The following WDR93 variants were observed in gnomAD, a reference collection of about 807,000 sequenced individuals.
WDR93 encodes WD repeat domain 93.
In WDR93, 73 loss-of-function variants were observed where a neutral mutation model predicts 82.9. The observed-to-expected ratio is 0.88, with a 90% confidence interval of 0.73 to 1.07. The LOEUF is 1.07. Among genes scored for constraint, WDR93 ranks in the 50% least tolerant of loss-of-function variants. WDR93 has a pLI of 0.00. For synonymous variants in WDR93, 283 were observed against 300.1 expected (o/e 0.94, Z 0.59); for missense variants, 738 against 826.0 (o/e 0.89, Z 1.31).
chr15:89,699,294 A>G (rs1458372380), intron 1 of WDR93, among the ~76,000 whole-genome samples: 1 of 152,180 alleles, frequency 6.6e-6, no homozygotes, highest in Non-Finnish European at 1.5e-5. Flanking sequence ...TGGATATAGA[A>G]TACCAGAGTG....
intron 1 of WDR93, among the ~76,000 whole-genome samples, chr15:89,701,022 A>G (rs988234140): frequency 6.6e-6 from 1 of 152,102 alleles, no homozygotes; most frequent in Non-Finnish European, 1.5e-5. Context: ...GAGCTAATAA[A>G]TTGTAAATAT....
At chr15:89,737,130 C>T (rs1967264528) in intron 14 of WDR93, among the ~76,000 whole-genome samples, 3 of 152,114 alleles carry the variant, frequency 2.0e-5, no homozygotes. Flanking sequence ...TTAGTATGTT[C>T]ACTGCAGAGG....
At chr15:89,694,289 C>A in intron 1 of WDR93, among the ~76,000 whole-genome samples, 1 of 134,480 alleles carries the variant, frequency 7.4e-6, no homozygotes, top group South Asian at 2.3e-4. Context: ...CTCGCTCTGT[C>A]GCCCAGGCTG....
chr15:89,709,915 C>T (rs1217784721), intron 4 of WDR93, among the ~76,000 whole-genome samples: 3 of 151,652 alleles, frequency 2.0e-5, no homozygotes, highest in Non-Finnish European at 4.4e-5. Flanking sequence ...AATCCCAGTA[C>T]TGTGGGAGGC....
intron 5 of WDR93, among the ~76,000 whole-genome samples, chr15:89,714,721 G>T (rs1966163008): frequency 6.6e-6 from 1 of 152,228 alleles, no homozygotes; most frequent in Admixed American, 6.5e-5. Context: ...CATGAGTGCT[G>T]TTAGTGTGAG....
At chr15:89,729,188 C>T (rs570201776) in intron 10 of WDR93, 95 bp downstream of exon 10, 44 of 1,182,810 alleles carry the variant, frequency 3.7e-5, no homozygotes, top group Admixed American at 6.8e-5. Context: ...CAACAAACCT[C>T]GCATGGTAGG....
At chr15:89,725,934 G>A (rs1172809435) in intron 8 of WDR93, among the ~76,000 whole-genome samples, 1 of 151,976 alleles carries the variant, frequency 6.6e-6, no homozygotes, top group Non-Finnish European at 1.5e-5. Context: ...GGTATATTAA[G>A]GTATATATTT....
chr15:89,738,154 A>T lies in WDR93; in HGVS notation c.1879A>T (p.Ile627Phe), dbSNP rs894799546. Residue 627 changes from isoleucine (I) to phenylalanine (F), a missense_variant, in exon 16 of 17, where the codon ATT becomes TTT. Physicochemically the swap from Ile to Phe is conservative, Grantham distance 21 (BLOSUM62 0). Transcript: ENST00000268130. ...LLENISKNCT[I>F]PQRDLDNMAF... ...GGAAAATATCTCAAAAAATTGTACC[A>T]TTCCTCAAAGGGACTTGGATAACAT... is the stretch of plus-strand genomic sequence containing the variant. The T allele has an allele frequency of 1.2e-6, 2 of 1,614,054 alleles. No homozygotes were observed. Among genetic ancestry groups the T allele is most frequent in the Non-Finnish European group, 1.7e-6 (2 of 1,180,034 alleles).
intron 8 of WDR93, among the ~76,000 whole-genome samples, chr15:89,724,199 A>G (rs1409457150): frequency 2.6e-5 from 4 of 151,946 alleles, no homozygotes; most frequent in African/African-American, 9.7e-5. Flanking sequence ...AAAATTAGCT[A>G]GGCATGGTGG....
intron 9 of WDR93, among the ~76,000 whole-genome samples, chr15:89,727,958 G>T (rs6496594): frequency 0.43 from 64,732 of 151,568 alleles, 14,343 homozygotes; most frequent in African/African-American, 0.49. Flanking sequence ...GCGGGCACCT[G>T]TAATTCCAGC....
chr15:89,690,472 T>C, upstream of WDR93: 1 of 781,836 alleles, frequency 1.3e-6, no homozygotes. Flanking sequence ...TCCTTCCTGC[T>C]TCCATCTACT....
chr15:89,729,274 G>GGTTCTCTGATCACAA (rs1235832581), intron 10 of WDR93, among the ~76,000 whole-genome samples, 181 bp downstream of exon 10: 1 of 152,076 alleles, frequency 6.6e-6, no homozygotes, highest in Admixed American at 6.6e-5. Flanking sequence ...CCTGAGCACA[G>GGTTCTCTGATCACAA]GTTCTCTGAT....
At chr15:89,707,977 TA>T (rs921621457) in intron 4 of WDR93, among the ~76,000 whole-genome samples, 8 of 152,264 alleles carry the variant, frequency 5.3e-5, no homozygotes, top group African/African-American at 1.9e-4. Flanking sequence ...AGTGAACTAT[TA>T]ATGCATATAA....
chr15:89,716,067 G>T (rs755188391), intron 6 of WDR93, among the ~76,000 whole-genome samples: 6 of 152,082 alleles, frequency 3.9e-5, no homozygotes, highest in Admixed American at 6.6e-5. Context: ...ATTAATATAG[G>T]AGACCAAGAT....
At chr15:89,733,334 A>G (rs1966904770) in intron 13 of WDR93, 115 bp downstream of exon 13, 1 of 961,278 alleles carries the variant, frequency 1.0e-6, no homozygotes, top group Non-Finnish European at 1.5e-6. Context: ...TATAGTCATC[A>G]CTCTCCTGGT....
chr15:89,729,859 C>T, intron 11 of WDR93, 90 bp downstream of exon 11: 4 of 1,083,548 alleles, frequency 3.7e-6, no homozygotes, highest in Non-Finnish European at 5.5e-6. Context: ...GACTGACATA[C>T]ATCAAGTGTC....
chr15:89,706,942 C>A (rs1965751661), intron 4 of WDR93, among the ~76,000 whole-genome samples: 1 of 152,068 alleles, frequency 6.6e-6, no homozygotes, highest in African/African-American at 2.4e-5. Context: ...AAAAGATAAA[C>A]TGGACTTTAT....
intron 12 of WDR93, among the ~76,000 whole-genome samples, chr15:89,732,636 C>A (rs1966874856): frequency 6.6e-6 from 1 of 151,778 alleles, no homozygotes; most frequent in African/African-American, 2.4e-5. Flanking sequence ...CACACACACA[C>A]ACACACCGCC....
At chr15:89,694,101 G>C (rs1475023240) in intron 1 of WDR93, among the ~76,000 whole-genome samples, 1 of 152,166 alleles carries the variant, frequency 6.6e-6, no homozygotes, top group Non-Finnish European at 1.5e-5. Flanking sequence ...TATACGTGTA[G>C]TGGTATCTCA....
Sources: allele counts gnomAD v4.1 joint callset (sites outside exome capture counted in the v4.1 genomes callset), GRCh38; gene constraint gnomAD v4.1.1; transcripts MANE v1.5; gene names NCBI Gene and HGNC (gene_info 2026-07-23, HGNC 2026-07-21).